Variants in KIRREL2 observed in about 807,000 individuals in gnomAD.
KIRREL2 encodes the protein kin of IRRE-like protein 2.
In KIRREL2, 56 loss-of-function variants were observed where a neutral mutation model predicts 73.4. The ratio of observed to expected loss-of-function variants is 0.76; its 90% CI spans 0.62 to 0.95. KIRREL2 has a LOEUF of 0.95. KIRREL2 is among the 40% of genes least tolerant of loss of function. The probability of loss-of-function intolerance (pLI) is 0.00; values close to 1 mark genes in which losing one functional copy is unlikely to be tolerated. For missense variants in KIRREL2, 896 were observed against 935.0 expected (o/e 0.96, Z 0.54); for synonymous variants, 407 against 404.0 (o/e 1.01, Z -0.09).
rs774424640 is a variant in KIRREL2, at chr19:35,866,247, C to A, written c.1882C>A (p.Pro628Thr). The A allele has an allele frequency of 1.9e-6, 3 of 1,609,430 alleles. No homozygotes were observed. The highest frequency in any genetic ancestry group is 2.7e-5 in the African/African-American group (2 of 74,816). Reference protein sequence around the residue: ...APGGGLFLPPPSPLGPPGTPT... With the variant: ...APGGGLFLPPTSPLGPPGTPT... ...TGGAGGAGGTCTCTTCCTGCCACCACCCTCCCCCCTTGGGCCCCCAGGGAC... is the reference window on the plus strand; with the variant it reads ...TGGAGGAGGTCTCTTCCTGCCACCAACCTCCCCCCTTGGGCCCCCAGGGAC... The change falls in exon 15 of 15, where the codon CCC (proline) becomes ACC (threonine). Residue 628 changes from proline to threonine, a missense_variant. Coordinates refer to ENST00000360202, the MANE Select transcript of KIRREL2 (RefSeq NM_199180.4).
At chr19:35,862,775 G>T in intron 12 of KIRREL2, 152 bp from the exon 13 acceptor site, 1 of 679,786 alleles carries the variant, frequency 1.5e-6, no homozygotes. Context: ...CCTTCCCAGG[G>T]TCACACTCCT....
chr19:35,863,057 G>A (rs1027895300), intron 13 of KIRREL2, 21 bp downstream of exon 13: 2 of 1,378,924 alleles, frequency 1.5e-6, no homozygotes, highest in Non-Finnish European at 2.0e-6. Context: ...AGGGTCCCCA[G>A]ACCTGACTGT....
intron 5 of KIRREL2, 100 bp from the exon 6 acceptor site, chr19:35,860,197 C>A: frequency 2.1e-6 from 2 of 930,944 alleles, no homozygotes; most frequent in Non-Finnish European, 3.3e-6. Flanking sequence ...GGATTAGGGG[C>A]CCAGACTCCT....
upstream of KIRREL2, among the ~76,000 whole-genome samples, chr19:35,854,809 A>G (rs1270220010): frequency 6.6e-6 from 1 of 151,798 alleles, no homozygotes; most frequent in Non-Finnish European, 1.5e-5. Context: ...CACACACACC[A>G]GGAGCTCCAT....
At chr19:35,856,097 GC>G, upstream of KIRREL2, 1 of 152,488 alleles carries the variant, frequency 6.6e-6, no homozygotes, top group Non-Finnish European at 1.5e-5. The surrounding 1 kb of genome is among the most constrained non-coding windows in gnomAD (Gnocchi z 5.9). Context: ...CAGGGTCCCA[GC>G]CCCCCAGCCC....
chr19:35,856,765 G>A, upstream of KIRREL2: 1 of 413,064 alleles, frequency 2.4e-6, no homozygotes, highest in African/African-American at 2.1e-5. This position sits in a 1 kb window ranked among gnomAD's most constrained non-coding sequence, Gnocchi z 5.9. Context: ...ATTGAGCTGG[G>A]GGCGCCCACC....
intron 14 of KIRREL2, among the ~76,000 whole-genome samples, chr19:35,865,081 G>C (rs1030687003): frequency 6.6e-6 from 1 of 151,350 alleles, no homozygotes; most frequent in Non-Finnish European, 1.5e-5. Context: ...CCTACCTCAG[G>C]ACAGCCACAT....
In KIRREL2 at chr19:35,858,850, G is replaced by A. The variant is rs404299; in HGVS notation, c.508G>A (p.Ala170Thr). 88,988 of 1,613,872 alleles carry A rather than the reference G, an allele frequency of 0.055. 7,111 individuals carry two copies. The highest frequency in any genetic ancestry group is 0.39 in the African/African-American group (29,159 of 74,922). ...WFRDGVLLDGATFHQTLLKEG... is the reference protein window; with the variant it reads ...WFRDGVLLDGTTFHQTLLKEG... ...CCGAGATGGGGTCCTGTTGGATGGAGCCACCTTCCATCAGGTCAGGTCCAA... is the reference window on the plus strand; with the variant it reads ...CCGAGATGGGGTCCTGTTGGATGGAACCACCTTCCATCAGGTCAGGTCCAA... Residue 170 changes from alanine to threonine, a missense_variant, in exon 4 of 15, where the codon GCC becomes ACC. Ala to Thr is a moderately conservative substitution (Grantham distance 58). Transcript: ENST00000360202.
At position 35,861,170 on chromosome 19, in the gene KIRREL2, G is replaced by A. The variant is rs530054342; in HGVS notation, c.1105G>A (p.Asp369Asn). Residue 369 changes from aspartate to asparagine, a missense_variant, in exon 9 of 15, where the codon GAC becomes AAC. Coordinates refer to ENST00000360202, the MANE Select transcript of KIRREL2 (RefSeq NM_199180.4). Reference protein sequence around the residue: ...TLRLPSVGPEDAGDYVCRAEA... With the variant: ...TLRLPSVGPENAGDYVCRAEA... ...GCGTCTTCCGTCGGTGGGGCCCGAG[G>A]ACGCAGGCGACTATGTGTGCAGAGC... 1.3e-6 allele frequency: 2 copies of A among 1,585,978 alleles called. No individual in the cohort carries two copies. Among genetic ancestry groups the A allele is most frequent in the Admixed American group, 1.8e-5 (1 of 55,696 alleles).
At chr19:35,852,619 C>G (rs542845159), upstream of KIRREL2, among the ~76,000 whole-genome samples, 1 of 152,046 alleles carries the variant, frequency 6.6e-6, no homozygotes, top group Admixed American at 6.6e-5. Flanking sequence ...ACATGCCAGG[C>G]GCGTTCCTCG....
At chr19:35,855,692 C>CAA (rs1973396858), upstream of KIRREL2, among the ~76,000 whole-genome samples, 1 of 149,206 alleles carries the variant, frequency 6.7e-6, no homozygotes, top group African/African-American at 2.5e-5. Context: ...CACACACACA[C>CAA]ACACACACAC....
chr19:35,859,613 A>G lies in KIRREL2; in HGVS notation c.655A>G (p.Ile219Val). Residue 219 changes from isoleucine to valine, a missense_variant, in exon 5 of 15, where the codon ATC (isoleucine) becomes GTC (valine). Transcript: ENST00000360202. ...QALPTGRDTA[I>V]TLSLQYPPEV... Reference sequence around the variant, plus strand: ...CCTGCCCACAGGAAGAGACACAGCTATCACACTGAGCCTGCAGTGTGAGTG... The same window carrying G: ...CCTGCCCACAGGAAGAGACACAGCTGTCACACTGAGCCTGCAGTGTGAGTG... 6.2e-7 allele frequency: 1 copy of G among 1,613,960 alleles called. No homozygotes were observed.
Position 35,860,588 on chromosome 19 carries a change from G to A in KIRREL2, c.849G>A (p.Ser283=), listed in dbSNP as rs754738553. 4 of 1,603,572 alleles carry A rather than the reference G, an allele frequency of 2.5e-6. No individual in the cohort carries two copies. In the African/African-American group the frequency reaches 4.0e-5, roughly 16 times the overall value. ...GGTTAGAGGTCGTGGCAGACGCCTC[G>A]TTCCTGACTGAGCCCGTGTCCTGCG... ...GPRLEVVADA[S]FLTEPVSCEV... Residue 283 remains serine (S), a synonymous_variant, in exon 7 of 15, where the codon TCG becomes TCA. Coordinates refer to ENST00000360202, the MANE Select transcript of KIRREL2 (RefSeq NM_199180.4).
upstream of KIRREL2, among the ~76,000 whole-genome samples, chr19:35,853,794 T>C (rs960833586): frequency 2.0e-5 from 3 of 150,310 alleles, no homozygotes; most frequent in African/African-American, 7.4e-5. Flanking sequence ...TGCCTCAGCC[T>C]CCTGAGTAGC....
At chr19:35,856,100 C>T (rs1462196553), upstream of KIRREL2, 2 of 152,438 alleles carry the variant, frequency 1.3e-5, no homozygotes, top group Non-Finnish European at 2.9e-5. The surrounding 1 kb of genome is among the most constrained non-coding windows in gnomAD (Gnocchi z 5.9). Flanking sequence ...GGTCCCAGCC[C>T]CCCAGCCCTC....
chr19:35,855,658 C>CACAG (rs1973393782), upstream of KIRREL2, among the ~76,000 whole-genome samples: 1 of 20,188 alleles, frequency 5.0e-5, no homozygotes, highest in African/African-American at 1.9e-4. Context: ...CCTCCCCATA[C>CACAG]ACACACACAC....
At chr19:35,862,633 C>A in intron 12 of KIRREL2, 36 bp downstream of exon 12, 1 of 1,498,254 alleles carries the variant, frequency 6.7e-7, no homozygotes, top group South Asian at 1.1e-5. Context: ...TCCCGAGGCC[C>A]CAGCCCCACA....
At chr19:35,851,726 A>G, upstream of KIRREL2, 1 of 1,569,936 alleles carries the variant, frequency 6.4e-7, no homozygotes, top group Non-Finnish European at 8.6e-7. Flanking sequence ...TAGGGAAGGT[A>G]AGTGGGAAAT....
chr19:35,866,453 C>T lies in KIRREL2; in HGVS notation c.2088C>T (p.Phe696=), dbSNP rs759340742. The T allele has an allele frequency of 4.4e-6, 7 of 1,608,632 alleles. No homozygotes were observed. Among genetic ancestry groups the T allele is most frequent in the Non-Finnish European group, 6.0e-6 (7 of 1,175,128 alleles). Reference sequence around the variant, plus strand: ...CTCCCCCCTTCCCATATGCTGCCTTCCCCACACCTAGCCACCCGCGTCTCC... The same window carrying T: ...CTCCCCCCTTCCCATATGCTGCCTTTCCCACACCTAGCCACCCGCGTCTCC... ...PGTPPFPYAA[F]PTPSHPRLQT... Residue 696 remains phenylalanine, a synonymous_variant, in exon 15 of 15, where the codon TTC becomes TTT. Transcript: ENST00000360202.
Sources: allele counts gnomAD v4.1 joint callset (sites outside exome capture counted in the v4.1 genomes callset), GRCh38; gene constraint gnomAD v4.1.1; non-coding constraint Gnocchi (gnomAD v3.1); transcripts MANE v1.5; gene names NCBI Gene and HGNC (gene_info 2026-07-23, HGNC 2026-07-21).